The following GADL1 variants were observed in gnomAD, a reference collection of about 807,000 sequenced individuals.
GADL1 encodes acidic amino acid decarboxylase GADL1.
A neutral mutation model predicts 69.5 loss-of-function variants in GADL1; 71 were observed. The observed-to-expected ratio is 1.02, with a 90% CI of 0.84 to 1.25. GADL1 has a LOEUF of 1.25. Among genes scored for constraint, GADL1 ranks in the 50% most tolerant of loss-of-function variants. GADL1 has a pLI of 0.00. For missense variants in GADL1, 737 were observed against 631.8 expected, an observed-to-expected ratio of 1.17 and a Z score of -1.79; for synonymous variants, 254 against 214.4, an observed-to-expected ratio of 1.18 and a Z score of -1.62.
intron 14 of GADL1, among the ~76,000 whole-genome samples, chr3:30,761,444 G>T (rs942069667): frequency 6.6e-6 from 1 of 151,086 alleles, no homozygotes; most frequent in African/African-American, 2.4e-5. Context: ...ACACATTTTC[G>T]CAGTCAATTA....
chr3:30,819,267 C>A (rs1258850102), intron 11 of GADL1, among the ~76,000 whole-genome samples: 2 of 151,912 alleles, frequency 1.3e-5, no homozygotes, highest in Non-Finnish European at 2.9e-5. Context: ...ACTCTGAGGC[C>A]TGTTTATCTA....
At chr3:30,845,596 C>T (rs1455150646) in intron 6 of GADL1, among the ~76,000 whole-genome samples, 1 of 151,856 alleles carries the variant, frequency 6.6e-6, no homozygotes, top group South Asian at 2.1e-4. Flanking sequence ...AAAATGAAAC[C>T]GTTCTAAATA....
chr3:30,764,637 T>C (rs1424105505), intron 14 of GADL1, among the ~76,000 whole-genome samples: 1 of 152,226 alleles, frequency 6.6e-6, no homozygotes, highest in East Asian at 1.9e-4. Flanking sequence ...TCAATAAATA[T>C]ATTGTTTGAG....
chr3:30,733,201 T>C (rs1410905896), intron 14 of GADL1, among the ~76,000 whole-genome samples: 1 of 152,186 alleles, frequency 6.6e-6, no homozygotes, highest in Non-Finnish European at 1.5e-5. Context: ...TGTTTATTTT[T>C]AAGTTCAATA....
chr3:30,800,622 TTG>T (rs1697138887), intron 12 of GADL1: 1 of 456,444 alleles, frequency 2.2e-6, no homozygotes, highest in African/African-American at 2.0e-5. Flanking sequence ...TGAGGGTCAT[TTG>T]TGCATCTCAG....
intron 9 of GADL1, among the ~76,000 whole-genome samples, chr3:30,835,254 G>GAGT (rs1697855271): frequency 6.6e-6 from 1 of 152,018 alleles, no homozygotes; most frequent in Non-Finnish European, 1.5e-5. Flanking sequence ...CCAAACTGGG[G>GAGT]AGTATAGCAT....
intron 12 of GADL1, among the ~76,000 whole-genome samples, chr3:30,796,160 TC>T (rs1219183881): frequency 6.6e-6 from 1 of 152,150 alleles, no homozygotes; most frequent in Non-Finnish European, 1.5e-5. Flanking sequence ...TCAAGACACC[TC>T]CCATTGAATT....
At chr3:30,853,164 C>T (rs1465784990) in intron 4 of GADL1, among the ~76,000 whole-genome samples, 1 of 152,090 alleles carries the variant, frequency 6.6e-6, no homozygotes, top group African/African-American at 2.4e-5. Context: ...GTCCTCAAGG[C>T]CCAGTATTGA....
In GADL1 at chr3:30,867,439, T is replaced by TATATATATATATATATATATATACAC. The variant is rs1319135425; in HGVS notation, c.38-5675_38-5674insGTGTATATATATATATATATATATAT. On this transcript the variant is annotated intron_variant, in intron 1 of 14. Transcript: ENST00000282538. ...ACAATACTACATATATATATATATATACACATATATGTATATATATACATA... is the reference window on the plus strand; with the variant it reads ...ACAATACTACATATATATATATATATATATATATATATATATATATATACACACACATATATGTATATATATACATA... Among the ~76,000 whole-genome samples, 207 of 138,830 alleles carry TATATATATATATATATATATATACAC rather than the reference T, an allele frequency of 1.5e-3. 2 individuals are homozygous for TATATATATATATATATATATATACAC. The highest frequency in any genetic ancestry group is 6.6e-3 in the South Asian group (28 of 4,238). 91.1% of individuals were successfully genotyped at this position (138,830 alleles called of 152,430 possible).
At chr3:30,753,624 C>T (rs1695889072) in intron 14 of GADL1, among the ~76,000 whole-genome samples, 1 of 125,828 alleles carries the variant, frequency 7.9e-6, no homozygotes, top group African/African-American at 3.3e-5. Context: ...TCTTACAGTA[C>T]TTAAGATCAC....
At chr3:30,874,873 G>A (rs1466131063) in intron 1 of GADL1, among the ~76,000 whole-genome samples, 1 of 151,838 alleles carries the variant, frequency 6.6e-6, no homozygotes, top group East Asian at 1.9e-4. Flanking sequence ...TACCAAAAAA[G>A]GAACCCAAAA....
intron 9 of GADL1, among the ~76,000 whole-genome samples, chr3:30,836,748 GA>G (rs5847665): frequency 0.24 from 36,994 of 151,804 alleles, 5,338 homozygotes; most frequent in African/African-American, 0.41. Context: ...GAGAGAATAG[GA>G]AGCTTTGTTG....
chr3:30,838,199 T>A (rs926335960), intron 9 of GADL1, among the ~76,000 whole-genome samples: 23 of 152,084 alleles, frequency 1.5e-4, no homozygotes, highest in Non-Finnish European at 3.1e-4. Context: ...TGTGCAATTG[T>A]CTCTTTGGTT....
rs1407344298 is a variant in GADL1, at chr3:30,834,238, T to C, written c.947A>G (p.Lys316Arg). The C allele has an allele frequency of 1.2e-6, 2 of 1,612,786 alleles. No homozygotes were observed. Among genetic ancestry groups the C allele is most frequent in the Non-Finnish European group, 1.7e-6 (2 of 1,179,196 alleles). The change falls in exon 10 of 15, where the codon AAG becomes AGG. Residue 316 changes from lysine (K) to arginine (R), a missense_variant. Coordinates refer to ENST00000282538, the MANE Select transcript of GADL1 (RefSeq NM_207359.3). ...TTACCTGTGGATGCCATGCAGAAGC[T>C]TGCGGTGCTTCCTCGACATCAAAGC... is the stretch of plus-strand genomic sequence containing the variant. ...GSALMSRKHRKLLHGIHRADS... is the reference protein window; with the variant it reads ...GSALMSRKHRRLLHGIHRADS...
chr3:30,884,229 G>A (rs566381266), intron 1 of GADL1, among the ~76,000 whole-genome samples: 4 of 152,086 alleles, frequency 2.6e-5, no homozygotes, highest in South Asian at 2.1e-4. Flanking sequence ...TATTTGAACC[G>A]CATATGGTGA....
intron 1 of GADL1, among the ~76,000 whole-genome samples, chr3:30,871,507 C>T (rs1419923442): frequency 6.6e-6 from 1 of 151,746 alleles, no homozygotes; most frequent in East Asian, 1.9e-4. Context: ...GACAGCTTTT[C>T]TCTCCTCCAG....
chr3:30,838,643 C>G (rs145388002), intron 9 of GADL1, among the ~76,000 whole-genome samples: 56 of 152,204 alleles, frequency 3.7e-4, no homozygotes, highest in Middle Eastern at 6.8e-3. Flanking sequence ...AGGCTAAGAT[C>G]GCAATGAAGA....
chr3:30,758,211 T>C (rs1696025420), intron 14 of GADL1, among the ~76,000 whole-genome samples: 1 of 152,212 alleles, frequency 6.6e-6, no homozygotes, highest in Non-Finnish European at 1.5e-5. Flanking sequence ...CATTCCTATC[T>C]GCCAAGTACT....
chr3:30,824,411 A>G (rs1243758051), intron 11 of GADL1, among the ~76,000 whole-genome samples: 4 of 151,792 alleles, frequency 2.6e-5, no homozygotes, highest in Admixed American at 1.3e-4. Context: ...CATTTGACCC[A>G]CAAGAAAATT....
Sources: gnomAD v4.1 joint callset for allele counts (sites outside exome capture counted in the v4.1 genomes callset) on GRCh38, gnomAD v4.1.1 for gene constraint, MANE v1.5 for transcripts, NCBI Gene and HGNC (gene_info 2026-07-23, HGNC 2026-07-21) for gene names.